NOTCH4: variants seen among roughly 807,000 people sequenced by gnomAD.
The protein encoded by NOTCH4 is notch receptor 4.
NOTCH4 carries 138 observed loss-of-function variants against 189.0 expected under a neutral mutation model. The ratio of observed to expected loss-of-function variants is 0.73; its 90% CI spans 0.64 to 0.84. NOTCH4 has a LOEUF of 0.84. Among genes scored for constraint, NOTCH4 ranks in the 40% least tolerant of loss-of-function variants. The probability of loss-of-function intolerance (pLI) is 0.00; values close to 1 mark genes in which losing one functional copy is unlikely to be tolerated. For missense variants in NOTCH4, 2,286 were observed against 2,605.4 expected (o/e 0.88, Z 2.67); for synonymous variants, 942 against 1,032.8 (o/e 0.91, Z 1.69).
rs906048279 is a variant in NOTCH4 at position 32,224,063 on chromosome 6, C to T, written c.-135G>A. The T allele has an allele frequency of 7.9e-6, 7 of 885,294 alleles. No homozygotes were observed. The highest frequency in any genetic ancestry group is 3.7e-5 in the South Asian group (2 of 53,750). The allele number at this position is 885,294 out of a possible 1,614,324, so 54.8% of individuals were successfully genotyped here. A position where few individuals can be genotyped will look rare whatever the true frequency, so the allele number is the denominator to read the frequency against. On this transcript the variant is annotated 5_prime_UTR_variant, in exon 1 of 30. The change creates a new upstream start codon in the 5' untranslated region. Transcript: ENST00000375023. ...CCTCCTCGGCCTGCTGCAAGCCTCA[C>T]GTCTGAGCTGTTTCCTGAGTCACAC...
At chr6:32,206,211 C>G (rs1440519272) in intron 18 of NOTCH4, among the ~76,000 whole-genome samples, 1 of 152,014 alleles carries the variant, frequency 6.6e-6, no homozygotes, top group African/African-American at 2.4e-5. Context: ...GAAGTCCTGG[C>G]CAGAGCAATT....
chr6:32,210,939 G>T lies in NOTCH4; in HGVS notation c.2681-3C>A, dbSNP rs1788974447. On this transcript the variant is annotated splice_region_variant and splice_polypyrimidine_tract_variant and intron_variant, in intron 17 of 29. Coordinates refer to ENST00000375023, the MANE Select transcript of NOTCH4 (RefSeq NM_004557.4). The surrounding 1 kb of genome is among the most constrained non-coding windows in gnomAD (Gnocchi z 4.8). ...GCAAAGGGAAGAGACGTCTATGCCT[G>T]GGGAGAGAGACAAACAGGGATATAC... 2.5e-6 allele frequency: 4 copies of T among 1,577,970 alleles called. No individual in the cohort carries two copies. The highest frequency in any genetic ancestry group is 3.4e-6 in the Non-Finnish European group (4 of 1,163,288).
chr6:32,204,285 G>A lies in NOTCH4; in HGVS notation c.2970C>T (p.Phe990=). The change falls in exon 19 of 30, where the codon TTC becomes TTT. Residue 990 remains phenylalanine, a synonymous_variant. Transcript: ENST00000375023. ...HGTCTPKPGG[F]HCACPPGFVG... is the part of the protein sequence containing the mutation. ...CAAAGCCTGGAGGGCAGGCACAGTG[G>A]AATCCTCCAGGTTTGGGAGTACAGG... 6.2e-7 allele frequency: 1 copy of A among 1,613,110 alleles called. No individual in the cohort carries two copies. The highest frequency in any genetic ancestry group is 1.3e-5 in the African/African-American group (1 of 75,052).
rs1294023354 is a variant in NOTCH4, at chr6:32,219,594, G to C, written c.1508C>G (p.Pro503Arg). 1 of 1,612,382 alleles carries C rather than the reference G, an allele frequency of 6.2e-7. No homozygotes were observed. The change falls in exon 8 of 30, where the codon CCA (proline) becomes CGA (arginine). Residue 503 changes from proline (P) to arginine (R), a missense_variant and splice_region_variant. Around this residue, in one of 2 missense-constraint regions of NOTCH4, gnomAD observed 1,903 missense variants for 2,261.9 expected, o/e 0.84. Coordinates refer to ENST00000375023, the MANE Select transcript of NOTCH4 (RefSeq NM_004557.4). ...LLATFHCLCP[P>R]GLEGQLCEVE... Reference sequence around the variant, plus strand: ...CCAAGGCCCCATCCAGCTGATACCTGGCGGGCAGAGGCAGTGGAAGGTGGC... The same window carrying C: ...CCAAGGCCCCATCCAGCTGATACCTCGCGGGCAGAGGCAGTGGAAGGTGGC...
intron 18 of NOTCH4, among the ~76,000 whole-genome samples, chr6:32,208,003 CAA>C (rs9279505): frequency 0.1 from 13,198 of 129,546 alleles, 902 homozygotes; most frequent in African/African-American, 0.22. Context: ...GACTCCTTCT[CAA>C]AAAAAAAAAA....
rs775180003 is a variant in NOTCH4 at position 32,214,237 on chromosome 6, G to A, written c.2040C>T (p.Asp680=). ...CACACTCTGGCCCCGTCCAACCCACGTCACACACACATGAGGATCTGGTTG... is the reference window on the plus strand; with the variant it reads ...CACACTCTGGCCCCGTCCAACCCACATCACACACACATGAGGATCTGGTTG... ...GHCQRSSCVC[D]VGWTGPECEA... Residue 680 remains aspartate, a synonymous_variant, in exon 13 of 30, where the codon GAC becomes GAT. Transcript: ENST00000375023. 50 of 1,613,190 alleles carry A rather than the reference G, an allele frequency of 3.1e-5. No homozygotes were observed. The highest frequency in any genetic ancestry group is 3.8e-5 in the Non-Finnish European group (45 of 1,179,734).
intron 29 of NOTCH4, 39 bp from the exon 30 acceptor site, chr6:32,196,189 C>T (rs2127459328): frequency 1.3e-6 from 2 of 1,593,734 alleles, no homozygotes; most frequent in South Asian, 1.1e-5. Flanking sequence ...GGGAAGGCCA[C>T]GCCCACAGGA....
Position 32,197,529 on chromosome 6 carries a change from C to G in NOTCH4, c.4822G>C (p.Ala1608Pro), listed in dbSNP as rs747002761. The change falls in exon 27 of 30, where the codon GCA becomes CCA. Residue 1608 changes from alanine to proline, a missense_variant. Transcript: ENST00000375023. The part of the protein sequence containing the change: ...GEVQSGTFQG[A>P]WLGCPEPWEP... ...CAGGGCTCAGGACATCCCAACCATG[C>G]CCCTTGGAAGGTCCCGGACTGTACT... is the stretch of plus-strand genomic sequence containing the variant. The G allele has an allele frequency of 6.2e-7, 1 of 1,611,912 alleles. No homozygotes were observed. The highest frequency in any genetic ancestry group is 8.5e-7 in the Non-Finnish European group (1 of 1,179,102).
intron 8 of NOTCH4, among the ~76,000 whole-genome samples, 176 bp from the exon 9 acceptor site, chr6:32,218,284 C>G (rs1371856186): frequency 6.6e-6 from 1 of 152,176 alleles, no homozygotes; most frequent in Non-Finnish European, 1.5e-5. Flanking sequence ...CAGTGTGTGG[C>G]CCTGCTCCTT....
rs144833594 is a variant in NOTCH4 at position 32,221,139 on chromosome 6, T to A, written c.638A>T (p.Asn213Ile). 1 of 1,612,944 alleles carries A rather than the reference T, an allele frequency of 6.2e-7. No homozygotes were observed. The highest frequency in any genetic ancestry group is 8.5e-7 in the Non-Finnish European group (1 of 1,180,022). ...GAGGCACTGGAAGGAGCCCAGGGTG[T>A]TATGGCAGGAGGTGCCTTTGGGGCA... The part of the protein sequence containing the change: ...GPCPKGTSCH[N>I]TLGSFQCLCP... The change falls in exon 4 of 30, where the codon AAC (asparagine) becomes ATC (isoleucine). Residue 213 changes from asparagine to isoleucine, a missense_variant. Physicochemically the swap from Asn to Ile is moderately radical, Grantham distance 149. This residue lies in a region of NOTCH4 where 1,903 missense variants were observed against 2,261.9 expected (regional missense o/e 0.84). Transcript: ENST00000375023. This position sits in a 1 kb window ranked among gnomAD's most constrained non-coding sequence, Gnocchi z 4.3.
Position 32,219,619 on chromosome 6 carries a change from C to T in NOTCH4, c.1483G>A (p.Ala495Thr). 6.2e-7 allele frequency: 1 copy of T among 1,612,962 alleles called. No homozygotes were observed. The highest frequency in any genetic ancestry group is 8.5e-7 in the Non-Finnish European group (1 of 1,179,962). The change falls in exon 8 of 30, where the codon GCC becomes ACC. Residue 495 changes from alanine (A) to threonine (T), a missense_variant. Transcript: ENST00000375023. ...GGCGGGCAGAGGCAGTGGAAGGTGGCAAGTAGGTCCAGACAGGTGCTTCCT... is the reference window on the plus strand; with the variant it reads ...GGCGGGCAGAGGCAGTGGAAGGTGGTAAGTAGGTCCAGACAGGTGCTTCCT... ...HPGSTCLDLL[A>T]TFHCLCPPGL...
rs535743970 is a variant in NOTCH4, at chr6:32,204,770, G to T, written c.2866-381C>A. Among the ~76,000 whole-genome samples the T allele has an allele frequency of 2.6e-5, 4 of 152,338 alleles. 1 individual carries two copies. In the East Asian group the frequency reaches 7.7e-4, roughly 29 times the overall value. ...CCGTTTTAGGCACTAGGAATACAAAGAAAGTTAGAACCCATTCCTATTTCC... is the reference window on the plus strand; with the variant it reads ...CCGTTTTAGGCACTAGGAATACAAATAAAGTTAGAACCCATTCCTATTTCC... On this transcript the variant is annotated intron_variant, in intron 18 of 29. Transcript: ENST00000375023.
At chr6:32,218,246 A>G in intron 8 of NOTCH4, 138 bp from the exon 9 acceptor site, 1 of 651,458 alleles carries the variant, frequency 1.5e-6, no homozygotes, top group Non-Finnish European at 2.8e-6. Context: ...GGGTTGAATA[A>G]GATGAACCCT....
At chr6:32,219,836 C>T in intron 7 of NOTCH4, 50 bp from the exon 8 acceptor site, 1 of 1,479,056 alleles carries the variant, frequency 6.8e-7, no homozygotes, top group Non-Finnish European at 9.3e-7. Flanking sequence ...GCAGGAAGGG[C>T]AAGGAGGTGA....
At chr6:32,207,485 G>A (rs187253339) in intron 18 of NOTCH4, among the ~76,000 whole-genome samples, 6 of 151,420 alleles carry the variant, frequency 4.0e-5, no homozygotes, top group Admixed American at 3.3e-4. Flanking sequence ...TTAGCCGGGC[G>A]TAGTGGTGTG....
chr6:32,216,501 C>G, intron 11 of NOTCH4: 1 of 233,270 alleles, frequency 4.3e-6, no homozygotes, highest in Non-Finnish European at 8.4e-6. Context: ...GTCCTCTGTG[C>G]TCTTGTAATA....
Position 32,213,929 on chromosome 6 carries a change from C to T in NOTCH4, c.2168-89G>A. The T allele has an allele frequency of 2.0e-6, 3 of 1,516,100 alleles. No homozygotes were observed. The Admixed American group carries it at 5.5e-5, about 28-fold the overall frequency. The allele number at this position is 1,516,100 out of a possible 1,614,324, so 93.9% of individuals were successfully genotyped here. ...TTTCCTCTTCCTTCCCTTCCTCATC[C>T]CCAACCCTATTATTCTTTCCCATCA... On this transcript the variant is annotated intron_variant, in intron 13 of 29. Transcript: ENST00000375023.
intron 7 of NOTCH4, 24 bp downstream of exon 7, chr6:32,220,105 G>T: frequency 6.2e-7 from 1 of 1,610,412 alleles, no homozygotes; most frequent in Non-Finnish European, 8.5e-7. Flanking sequence ...GCTCAGAGAG[G>T]CTCTGAAGTG....
In NOTCH4 at chr6:32,201,588, C is replaced by T. The variant is rs1213377984; in HGVS notation, c.3756-88G>A. On this transcript the variant is annotated intron_variant, in intron 21 of 29. Coordinates refer to ENST00000375023, the MANE Select transcript of NOTCH4 (RefSeq NM_004557.4). The surrounding 1 kb of genome is among the most constrained non-coding windows in gnomAD (Gnocchi z 5.5). ...GAAAGAATTCCCCATATTTTGTGCC[C>T]TCTAGGGCTTTGGTTGCTAAGTGGG... 7.4e-7 allele frequency: 1 copy of T among 1,357,382 alleles called. No homozygotes were observed. The highest frequency in any genetic ancestry group is 1.9e-4 in the Middle Eastern group (1 of 5,186). 84.1% of individuals were successfully genotyped at this position (1,357,382 alleles called of 1,614,324 possible). A position where few individuals can be genotyped will look rare whatever the true frequency, so the allele number is the denominator to read the frequency against.
Sources: allele counts gnomAD v4.1 joint callset (sites outside exome capture counted in the v4.1 genomes callset), GRCh38; gene constraint gnomAD v4.1.1; regional missense constraint gnomAD v4.1.1; non-coding constraint Gnocchi (gnomAD v3.1); transcripts MANE v1.5; gene names NCBI Gene and HGNC (gene_info 2026-07-23, HGNC 2026-07-21).